The following MCC variants were observed in gnomAD, a reference collection of about 807,000 sequenced individuals.
MCC encodes MCC regulator of Wnt signaling pathway.
MCC carries 90 observed loss-of-function variants against 116.2 expected under a neutral mutation model. That is an observed-to-expected ratio of 0.77 (90% CI 0.65 to 0.92). MCC has a LOEUF of 0.92. MCC is among the 40% of genes least tolerant of loss of function. MCC has a pLI of 0.00. For synonymous variants in MCC, 578 were observed against 510.5 expected, an observed-to-expected ratio of 1.13 and a Z score of -1.78; for missense variants, 1,516 against 1,312.2, an observed-to-expected ratio of 1.16 and a Z score of -2.40.
At chr5:113,110,637 G>A (rs1303354374) in intron 6 of MCC, among the ~76,000 whole-genome samples, 5 of 152,156 alleles carry the variant, frequency 3.3e-5, no homozygotes, top group East Asian at 1.9e-4. Flanking sequence ...CTAAGTTCAC[G>A]TAATCTTGGC....
chr5:113,108,181 C>T (rs1199317987), intron 6 of MCC, among the ~76,000 whole-genome samples: 2 of 151,726 alleles, frequency 1.3e-5, no homozygotes, highest in Admixed American at 1.3e-4. Flanking sequence ...CCTGTCTCTA[C>T]TAAAAATATA....
intron 3 of MCC, among the ~76,000 whole-genome samples, chr5:113,272,770 G>A (rs1007513196): frequency 9.2e-5 from 14 of 152,184 alleles, no homozygotes; most frequent in African/African-American, 3.4e-4. Flanking sequence ...ATATGATAAT[G>A]CTTGGATTGC....
intron 1 of MCC, among the ~76,000 whole-genome samples, chr5:113,485,851 AC>A (rs1291590024): frequency 6.6e-6 from 1 of 152,240 alleles, no homozygotes; most frequent in African/African-American, 2.4e-5. Flanking sequence ...CATAAATTTA[AC>A]GTCTTTAGAT....
intron 3 of MCC, among the ~76,000 whole-genome samples, chr5:113,165,414 C>A (rs1760715325): frequency 6.6e-6 from 1 of 152,204 alleles, no homozygotes; most frequent in South Asian, 2.1e-4. Context: ...CTTGCCAGTT[C>A]TCTTACAAAC....
intron 2 of MCC, among the ~76,000 whole-genome samples, chr5:113,351,400 G>C (rs1581419951): frequency 6.6e-6 from 1 of 152,118 alleles, no homozygotes; most frequent in Non-Finnish European, 1.5e-5. Flanking sequence ...AACATGGATG[G>C]AACTGGAAGT....
intron 8 of MCC, among the ~76,000 whole-genome samples, chr5:113,091,602 G>A (rs1157663421): frequency 6.6e-6 from 1 of 152,144 alleles, no homozygotes; most frequent in Admixed American, 6.5e-5. Flanking sequence ...TTCTTGTGGG[G>A]CTAGGCACGG....
In MCC at chr5:113,206,276, T is replaced by C. The variant is rs1206291110; in HGVS notation, c.628-54854A>G. 2.0e-5 allele frequency among the ~76,000 whole-genome samples: 3 copies of C among 152,234 alleles called. No individual in the cohort carries two copies. In the East Asian group the frequency reaches 5.8e-4, roughly 29 times the overall value. On this transcript the variant is annotated intron_variant, in intron 3 of 18. Transcript: ENST00000408903. ...TGTATACTCACTACCTTGGGATGTT[T>C]CCCCCTAACTGGAATCCTATTGTTC...
intron 3 of MCC, among the ~76,000 whole-genome samples, chr5:113,175,235 T>C (rs917926516): frequency 6.6e-6 from 1 of 152,156 alleles, no homozygotes; most frequent in Admixed American, 6.5e-5. Context: ...ACAATGCAAA[T>C]GTAAAAGTAT....
At chr5:113,201,269 C>T (rs1055153637) in intron 3 of MCC, among the ~76,000 whole-genome samples, 3 of 151,914 alleles carry the variant, frequency 2.0e-5, no homozygotes, top group African/African-American at 7.3e-5. Context: ...CCTGTAAATC[C>T]CAGCTACTCG....
chr5:113,073,638 C>G (rs1190840554), intron 11 of MCC, among the ~76,000 whole-genome samples: 1 of 151,194 alleles, frequency 6.6e-6, no homozygotes, highest in Non-Finnish European at 1.5e-5. Context: ...ATAAGAATAT[C>G]AGTTCGCCAT....
chr5:113,468,980 A>G (rs1290985375), intron 1 of MCC, among the ~76,000 whole-genome samples: 2 of 152,184 alleles, frequency 1.3e-5, no homozygotes. Flanking sequence ...AGAGGTGTTT[A>G]TAGTACTCTC....
At chr5:113,206,862 T>A (rs1762936167) in intron 3 of MCC, among the ~76,000 whole-genome samples, 1 of 152,210 alleles carries the variant, frequency 6.6e-6, no homozygotes, top group South Asian at 2.1e-4. Flanking sequence ...TTTCCCTCAT[T>A]TGATCATGAC....
intron 1 of MCC, among the ~76,000 whole-genome samples, chr5:113,387,360 A>G (rs1258765032): frequency 6.6e-6 from 1 of 152,224 alleles, no homozygotes; most frequent in African/African-American, 2.4e-5. Flanking sequence ...TAATATTTTC[A>G]TATAATATTT....
chr5:113,081,230 T>C lies in MCC; in HGVS notation c.1784+1630A>G, dbSNP rs532063266. 2.6e-5 allele frequency among the ~76,000 whole-genome samples: 4 copies of C among 152,298 alleles called. No homozygotes were observed. The East Asian group carries it at 7.7e-4, about 29-fold the overall frequency. ...CCCGCAGCAGCTAGGATCACAGAGA[T>C]GACAATGGAGGTGAGGTCAAAGGGT... is the stretch of plus-strand genomic sequence containing the variant. On this transcript the variant is annotated intron_variant, in intron 11 of 18. Coordinates refer to ENST00000408903, the MANE Select transcript of MCC (RefSeq NM_001085377.2).
intron 5 of MCC, among the ~76,000 whole-genome samples, chr5:113,138,921 T>G (rs1173756370): frequency 6.6e-6 from 1 of 152,174 alleles, no homozygotes; most frequent in African/African-American, 2.4e-5. Context: ...ATAACTGGCC[T>G]GTTATCCAGG....
intron 3 of MCC, among the ~76,000 whole-genome samples, chr5:113,186,802 A>T (rs942891168): frequency 6.6e-6 from 1 of 152,164 alleles, no homozygotes; most frequent in Non-Finnish European, 1.5e-5. Flanking sequence ...ATTTCAGAGC[A>T]GTGGTTCTCA....
chr5:113,193,309 G>T (rs1762236022), intron 3 of MCC, among the ~76,000 whole-genome samples: 1 of 144,240 alleles, frequency 6.9e-6, no homozygotes. Flanking sequence ...CTTTTACCAT[G>T]TAAGGTAAAA....
intron 16 of MCC, among the ~76,000 whole-genome samples, 188 bp from the exon 17 acceptor site, chr5:113,043,818 G>T (rs191728258): frequency 6.6e-6 from 1 of 152,362 alleles, no homozygotes; most frequent in East Asian, 1.9e-4. Context: ...CTCCCAGACC[G>T]CTGGCTCCTT....
intron 1 of MCC, among the ~76,000 whole-genome samples, chr5:113,428,368 C>T (rs550141606): frequency 6.6e-6 from 1 of 152,292 alleles, no homozygotes; most frequent in East Asian, 1.9e-4. Context: ...AGCATGTGTT[C>T]TCTCAGCTGC....
Sources: allele counts gnomAD v4.1 joint callset (sites outside exome capture counted in the v4.1 genomes callset), GRCh38; gene constraint gnomAD v4.1.1; transcripts MANE v1.5; gene names NCBI Gene and HGNC (gene_info 2026-07-23, HGNC 2026-07-21).